ANO1: variants seen among roughly 807,000 people sequenced by gnomAD.
ANO1 encodes anoctamin-1.
In ANO1, 59 loss-of-function variants were observed where a neutral mutation model predicts 124.0. The ratio of observed to expected loss-of-function variants is 0.48; its 90% CI spans 0.39 to 0.59. The LOEUF is 0.59. Among genes scored for constraint, ANO1 ranks in the 20% least tolerant of loss-of-function variants. The pLI is 0.00. For synonymous variants in ANO1, 529 were observed against 532.0 expected (o/e 0.99, Z 0.08); for missense variants, 1,059 against 1,328.0 (o/e 0.80, Z 3.15).
chr11:70,167,747 G>T (rs56067021), intron 21 of ANO1, among the ~76,000 whole-genome samples: 1 of 151,944 alleles, frequency 6.6e-6, no homozygotes, highest in Non-Finnish European at 1.5e-5. Flanking sequence ...AGCGCAGCCC[G>T]ACACAGCCTG....
intron 11 of ANO1, 110 bp downstream of exon 11, chr11:70,132,189 A>G (rs1274880761): frequency 2.2e-6 from 3 of 1,371,344 alleles, no homozygotes; most frequent in Non-Finnish European, 2.9e-6. Flanking sequence ...GGTTGTCGGG[A>G]AAAAACATAG....
intron 12 of ANO1, among the ~76,000 whole-genome samples, chr11:70,150,561 G>A (rs2047563154): frequency 6.6e-6 from 1 of 152,104 alleles, no homozygotes; most frequent in Non-Finnish European, 1.5e-5. Context: ...GGGAGACAGG[G>A]TCTCCCTCTG....
chr11:70,186,143 C>T (rs1466204166), intron 25 of ANO1, among the ~76,000 whole-genome samples: 4 of 151,932 alleles, frequency 2.6e-5, no homozygotes, highest in Admixed American at 6.6e-5. Flanking sequence ...AAAAATTAGC[C>T]GGGTGTGGTG....
At chr11:70,062,603 G>A (rs1857613599) in intron 1 of ANO1, among the ~76,000 whole-genome samples, 1 of 152,166 alleles carries the variant, frequency 6.6e-6, no homozygotes, top group Non-Finnish European at 1.5e-5. Context: ...CTTGCCCAGT[G>A]TCCCCCTCCC....
At chr11:69,981,304 C>T (rs946703107), upstream of ANO1, among the ~76,000 whole-genome samples, 5 of 152,186 alleles carry the variant, frequency 3.3e-5, no homozygotes, top group Admixed American at 1.3e-4. Context: ...CAAGTCACTT[C>T]ACCTCTCTGA....
At chr11:70,141,455 A>G (rs548643325) in intron 11 of ANO1, 1 of 152,112 alleles carries the variant, frequency 6.6e-6, no homozygotes, top group South Asian at 2.1e-4. Flanking sequence ...CCTGGGAGAC[A>G]ACAAATGTGC....
rs367737244 is a variant in ANO1 at position 70,038,669 on chromosome 11, A to T, written c.59-39873A>T. On this transcript the variant is annotated intron_variant, in intron 1 of 27. Coordinates refer to the ANO1 transcript ENST00000531349. ...CACCCTATTGCAGTGGCCCCCAGGG[A>T]GAGAGCCAGGACTTACCTGGTGCAA... is the stretch of plus-strand genomic sequence containing the variant. 3.3e-4 allele frequency among the ~76,000 whole-genome samples: 50 copies of T among 152,248 alleles called. No homozygotes were observed. In the East Asian group the frequency reaches 8.1e-3, roughly 25 times the overall value.
At chr11:70,090,753 T>G (rs1429262840) in intron 2 of ANO1, among the ~76,000 whole-genome samples, 1 of 152,238 alleles carries the variant, frequency 6.6e-6, no homozygotes, top group African/African-American at 2.4e-5. Flanking sequence ...CAAAATGATC[T>G]AGTTTTTAAC....
intron 19 of ANO1, chr11:70,165,226 A>G (rs2048207481): frequency 1.9e-6 from 1 of 516,440 alleles, no homozygotes; most frequent in East Asian, 3.6e-5. Context: ...TTCTGAGGAC[A>G]TCAGTCCTCA....
chr11:69,966,478 C>A, the ANO1 span, among the ~76,000 whole-genome samples: 5 of 152,348 alleles, frequency 3.3e-5, no homozygotes, highest in African/African-American at 9.6e-5. Flanking sequence ...CGCCACCTCA[C>A]CTGAGATTCC....
At chr11:70,091,652 C>A (rs2135258327) in intron 2 of ANO1, among the ~76,000 whole-genome samples, 1 of 152,348 alleles carries the variant, frequency 6.6e-6, no homozygotes, top group Middle Eastern at 3.4e-3. Context: ...CCAGCCACCT[C>A]TGGGACCATC....
chr11:70,004,517 C>T (rs1431858247), intron 1 of ANO1, among the ~76,000 whole-genome samples: 1 of 152,294 alleles, frequency 6.6e-6, no homozygotes, highest in Non-Finnish European at 1.5e-5. Flanking sequence ...GTGCTCAAAT[C>T]CACACAGTGG....
At chr11:70,120,546 C>T (rs980358720) in intron 8 of ANO1, among the ~76,000 whole-genome samples, 2 of 152,244 alleles carry the variant, frequency 1.3e-5, no homozygotes, top group South Asian at 4.1e-4. Context: ...CTAGGAGCCA[C>T]AGAGCCCAAC....
intron 1 of ANO1, among the ~76,000 whole-genome samples, chr11:70,006,756 A>G (rs1591029857): frequency 1.6e-5 from 2 of 126,536 alleles, no homozygotes; most frequent in African/African-American, 3.1e-5. Context: ...TGCAACCTTC[A>G]CCTCTCTGGT....
intron 12 of ANO1, 51 bp downstream of exon 12, chr11:70,149,843 T>C (rs911101398): frequency 2.4e-5 from 38 of 1,585,334 alleles, no homozygotes; most frequent in Non-Finnish European, 3.2e-5. Flanking sequence ...ACGTTCCCCC[T>C]ACCCCAGGAC....
chr11:70,016,300 A>G (rs1177627298), intron 1 of ANO1: 2 of 152,180 alleles, frequency 1.3e-5, no homozygotes, highest in Non-Finnish European at 2.9e-5. Context: ...TGCTGGGATT[A>G]CAGGCATAAG....
At chr11:69,976,671 C>A in the ANO1 span, among the ~76,000 whole-genome samples, 1 of 132,984 alleles carries the variant, frequency 7.5e-6, no homozygotes, top group Non-Finnish European at 1.7e-5. Flanking sequence ...GAGGAACCAG[C>A]CCTGCGACGC....
chr11:70,105,848 GATA>G, intron 5 of ANO1, 60 bp downstream of exon 5: 1 of 1,541,750 alleles, frequency 6.5e-7, no homozygotes, highest in Non-Finnish European at 9.0e-7. Context: ...GGATCCAGAT[GATA>G]ATTTCATTTT....
At chr11:70,165,436 C>G (rs1200333499) in intron 19 of ANO1, 34 bp from the exon 20 acceptor site, 2 of 1,562,832 alleles carry the variant, frequency 1.3e-6, no homozygotes, top group South Asian at 1.2e-5. Flanking sequence ...CTCGGTGTCC[C>G]TGTAGCGTGG....
Sources: gnomAD v4.1 joint callset for allele counts (sites outside exome capture counted in the v4.1 genomes callset) on GRCh38, gnomAD v4.1.1 for gene constraint, MANE v1.5 for transcripts, NCBI Gene and HGNC (gene_info 2026-07-23, HGNC 2026-07-21) for gene names.